The following EXOC4 variants were observed in gnomAD, a reference collection of about 807,000 sequenced individuals.
EXOC4 encodes the protein exocyst complex component 4, also known as SEC8-like 1.
Under a neutral mutation model 107.2 loss-of-function variants are expected in EXOC4, and 71 were observed. The ratio of observed to expected loss-of-function variants is 0.66; its 90% CI spans 0.55 to 0.81. The LOEUF is 0.81. Ranked by LOEUF, EXOC4 falls within the 30% of genes least tolerant of loss-of-function variation. EXOC4 has a pLI of 0.00. For synonymous variants in EXOC4, 456 were observed against 441.2 expected (o/e 1.03, Z -0.42); for missense variants, 1,108 against 1,189.6 (o/e 0.93, Z 1.01).
At chr7:133,408,335 T>G (rs1584893401) in intron 7 of EXOC4, among the ~76,000 whole-genome samples, 1 of 138,148 alleles carries the variant, frequency 7.2e-6, no homozygotes. Flanking sequence ...GGGGATGGGG[T>G]GGTGATGGTG....
intron 13 of EXOC4, among the ~76,000 whole-genome samples, chr7:133,923,128 C>CT (rs35715979): frequency 0.31 from 39,116 of 126,452 alleles, 6,885 homozygotes; most frequent in South Asian, 0.44. Flanking sequence ...AGAGTTTACA[C>CT]TTTTTTTTTT....
intron 14 of EXOC4, among the ~76,000 whole-genome samples, chr7:133,940,738 T>C (rs917786013): frequency 2.6e-5 from 4 of 152,098 alleles, no homozygotes; most frequent in African/African-American, 9.7e-5. Context: ...CCTATGTCAA[T>C]GTGACTCTAG....
chr7:133,869,879 A>C (rs550698910), intron 11 of EXOC4, among the ~76,000 whole-genome samples: 15 of 152,218 alleles, frequency 9.9e-5, no homozygotes, highest in Non-Finnish European at 1.9e-4. Flanking sequence ...CTCCCAGTTC[A>C]ATCCACAGCT....
chr7:133,330,185 C>A (rs1795348023), intron 5 of EXOC4, among the ~76,000 whole-genome samples: 2 of 152,236 alleles, frequency 1.3e-5, no homozygotes, highest in Non-Finnish European at 2.9e-5. Flanking sequence ...GTGCACTCTG[C>A]CCAGTTGGAA....
chr7:133,776,463 C>T (rs1796347417), intron 10 of EXOC4, among the ~76,000 whole-genome samples: 1 of 152,112 alleles, frequency 6.6e-6, no homozygotes, highest in Non-Finnish European at 1.5e-5. Flanking sequence ...AGCCCAATTC[C>T]TTTATGTGGA....
At chr7:133,888,386 A>G (rs972166131) in intron 11 of EXOC4, among the ~76,000 whole-genome samples, 3 of 152,210 alleles carry the variant, frequency 2.0e-5, no homozygotes, top group Admixed American at 6.5e-5. Flanking sequence ...ATGTAATTTT[A>G]TATAAATACA....
chr7:133,511,776 C>T (rs1011832700), intron 9 of EXOC4, among the ~76,000 whole-genome samples: 3 of 151,610 alleles, frequency 2.0e-5, no homozygotes, highest in Non-Finnish European at 2.9e-5. Flanking sequence ...CCACTTCACG[C>T]TTAACCACAG....
intron 12 of EXOC4, among the ~76,000 whole-genome samples, chr7:133,914,490 A>G (rs1173824320): frequency 6.6e-6 from 1 of 152,204 alleles, no homozygotes; most frequent in African/African-American, 2.4e-5. Context: ...AAAACTTGGG[A>G]CTTAAGAAGG....
At chr7:133,990,914 T>C (rs916207927) in intron 14 of EXOC4, among the ~76,000 whole-genome samples, 13 of 152,214 alleles carry the variant, frequency 8.5e-5, no homozygotes, top group Non-Finnish European at 1.2e-4. Context: ...CTCTTTGATA[T>C]ACTGATTTCC....
intron 17 of EXOC4, among the ~76,000 whole-genome samples, chr7:134,038,777 C>T (rs2116516499): frequency 6.6e-6 from 1 of 152,284 alleles, no homozygotes; most frequent in East Asian, 1.9e-4. Flanking sequence ...GTGTCACTTA[C>T]CATTGGCAGT....
intron 1 of EXOC4, among the ~76,000 whole-genome samples, chr7:133,274,752 T>C (rs1394321737): frequency 6.6e-6 from 1 of 152,176 alleles, no homozygotes; most frequent in Non-Finnish European, 1.5e-5. Context: ...CTAATGCCAA[T>C]GACAGAAGAG....
chr7:133,680,781 C>A (rs934550795), intron 10 of EXOC4, among the ~76,000 whole-genome samples: 2 of 152,182 alleles, frequency 1.3e-5, no homozygotes, highest in South Asian at 4.2e-4. Flanking sequence ...ATACATCAAA[C>A]GAAGCAAAGA....
intron 7 of EXOC4, among the ~76,000 whole-genome samples, chr7:133,378,470 G>T (rs1207338222): frequency 6.7e-6 from 1 of 149,922 alleles, no homozygotes; most frequent in Non-Finnish European, 1.5e-5. Context: ...TTTATTAAAA[G>T]AATTTTTAAA....
rs1014118473 is a variant in EXOC4 at position 133,297,197 on chromosome 7, C to T, written c.471+8081C>T. Among the ~76,000 whole-genome samples, 6 of 152,114 alleles carry T rather than the reference C, an allele frequency of 3.9e-5. 1 individual carries two copies. The highest frequency in any genetic ancestry group is 1.4e-4 in the African/African-American group (6 of 41,428). ...AGCTAATGAGTATTTGGCTTTTATT[C>T]TGATTTTATAGTCTGATTATTTGGT... On this transcript the variant is annotated intron_variant, in intron 3 of 17. Coordinates refer to ENST00000253861, the MANE Select transcript of EXOC4 (RefSeq NM_021807.4).
intron 11 of EXOC4, among the ~76,000 whole-genome samples, chr7:133,862,690 C>T (rs1798560684): frequency 6.6e-6 from 1 of 152,060 alleles, no homozygotes; most frequent in African/African-American, 2.4e-5. Context: ...GTCAAATTTG[C>T]TCTTTAAGCT....
At chr7:133,831,516 C>T (rs983506172) in intron 11 of EXOC4, among the ~76,000 whole-genome samples, 2 of 150,902 alleles carry the variant, frequency 1.3e-5, no homozygotes, top group South Asian at 4.2e-4. Context: ...ACATCAGTAA[C>T]TTCTTTGACT....
chr7:133,924,454 A>T (rs1465417350), intron 13 of EXOC4, among the ~76,000 whole-genome samples: 1 of 152,180 alleles, frequency 6.6e-6, no homozygotes, highest in African/African-American at 2.4e-5. Context: ...GAGAATACTG[A>T]TCCAAAGAAA....
intron 7 of EXOC4, 43 bp from the exon 8 acceptor site, chr7:133,475,285 A>G: frequency 6.7e-7 from 1 of 1,494,436 alleles, no homozygotes; most frequent in Non-Finnish European, 9.2e-7. Flanking sequence ...TTGCACATTA[A>G]AAATGTGTAT....
intron 10 of EXOC4, among the ~76,000 whole-genome samples, chr7:133,741,522 C>A (rs1416871047): frequency 1.3e-5 from 2 of 152,144 alleles, no homozygotes; most frequent in Admixed American, 1.3e-4. Flanking sequence ...TAGGCAAAGA[C>A]CTTTCTAGAG....
Sources: allele counts gnomAD v4.1 joint callset (sites outside exome capture counted in the v4.1 genomes callset), GRCh38; gene constraint gnomAD v4.1.1; transcripts MANE v1.5; gene names NCBI Gene and HGNC (gene_info 2026-07-23, HGNC 2026-07-21).